DGKB: variants seen among roughly 807,000 people sequenced by gnomAD.
The protein encoded by DGKB is diacylglycerol kinase beta.
Under a neutral mutation model 114.3 loss-of-function variants are expected in DGKB, and 67 were observed. The ratio of observed to expected loss-of-function variants is 0.59; its 90% CI spans 0.48 to 0.72. The LOEUF is 0.72. Ranked by LOEUF, DGKB falls within the 30% of genes least tolerant of loss-of-function variation. DGKB has a pLI of 0.00. For missense variants in DGKB, 907 were observed against 975.2 expected, an observed-to-expected ratio of 0.93 and a Z score of 0.93; for synonymous variants, 398 against 323.1, an observed-to-expected ratio of 1.23 and a Z score of -2.49.
intron 21 of DGKB, among the ~76,000 whole-genome samples, chr7:14,379,021 G>A (rs1818946151): frequency 1.4e-5 from 2 of 145,752 alleles, no homozygotes; most frequent in African/African-American, 4.9e-5. Flanking sequence ...TGGGGAAAAT[G>A]TCATCTGAGG....
chr7:14,866,046 C>T (rs1851663453), intron 1 of DGKB, among the ~76,000 whole-genome samples: 1 of 152,158 alleles, frequency 6.6e-6, no homozygotes, highest in Admixed American at 6.6e-5. Context: ...AGGAAGGTTA[C>T]TTCCAACACA....
At chr7:14,278,063 G>A (rs1405391591) in intron 23 of DGKB, among the ~76,000 whole-genome samples, 1 of 152,120 alleles carries the variant, frequency 6.6e-6, no homozygotes, top group Non-Finnish European at 1.5e-5. Context: ...TCATTTGTAT[G>A]TCTTCTTTTC....
At chr7:14,186,197 G>A (rs369057338) in intron 23 of DGKB, among the ~76,000 whole-genome samples, 1 of 152,080 alleles carries the variant, frequency 6.6e-6, no homozygotes. Context: ...ATCAAAAAGT[G>A]GGCTAAGGAC....
intron 1 of DGKB, among the ~76,000 whole-genome samples, chr7:14,894,156 G>T (rs1164955358): frequency 1.3e-5 from 2 of 151,286 alleles, no homozygotes; most frequent in African/African-American, 2.4e-5. Context: ...TAGAGATGCC[G>T]ATTCTCATGT....
intron 23 of DGKB, among the ~76,000 whole-genome samples, chr7:14,286,441 G>A (rs1800888042): frequency 6.6e-6 from 1 of 152,104 alleles, no homozygotes; most frequent in Non-Finnish European, 1.5e-5. Context: ...CTGCTCTAAA[G>A]GATGTAAGAT....
intron 13 of DGKB, among the ~76,000 whole-genome samples, chr7:14,632,799 T>A (rs533239785): frequency 6.6e-6 from 1 of 151,762 alleles, no homozygotes; most frequent in African/African-American, 2.4e-5. Context: ...GAGGGGGAAC[T>A]GTTAAAGATA....
intron 2 of DGKB, among the ~76,000 whole-genome samples, chr7:14,784,677 T>C (rs570340067): frequency 1.5e-3 from 228 of 152,204 alleles, no homozygotes; most frequent in Non-Finnish European, 2.2e-3. Flanking sequence ...GCACCCAGTT[T>C]ATATGCTATT....
intron 12 of DGKB, among the ~76,000 whole-genome samples, chr7:14,678,180 A>G (rs929317734): frequency 2.0e-5 from 3 of 152,060 alleles, no homozygotes; most frequent in Non-Finnish European, 4.4e-5. Context: ...TACACTCAGT[A>G]CTTTGTCAAG....
intron 1 of DGKB, among the ~76,000 whole-genome samples, chr7:14,853,573 T>A (rs746676381): frequency 6.6e-6 from 1 of 151,966 alleles, no homozygotes; most frequent in African/African-American, 2.4e-5. Context: ...AATTATTCTT[T>A]AAAATTTATC....
intron 1 of DGKB, among the ~76,000 whole-genome samples, chr7:14,856,989 C>T (rs1342429701): frequency 1.3e-5 from 2 of 152,098 alleles, no homozygotes; most frequent in Non-Finnish European, 2.9e-5. Context: ...AAACATGTTC[C>T]TGACCAATAG....
chr7:14,167,795 AAC>A (rs1194731493), intron 25 of DGKB, among the ~76,000 whole-genome samples: 1 of 152,208 alleles, frequency 6.6e-6, no homozygotes, highest in Non-Finnish European at 1.5e-5. Flanking sequence ...ACCTGAACCT[AAC>A]AGAGTCAACT....
chr7:14,300,473 T>A (rs1474816172), intron 23 of DGKB, among the ~76,000 whole-genome samples: 2 of 152,146 alleles, frequency 1.3e-5, no homozygotes, highest in East Asian at 3.9e-4. Flanking sequence ...ACCCAGTGTA[T>A]CACTTACTCT....
chr7:14,689,463 G>A (rs914284235), intron 9 of DGKB, among the ~76,000 whole-genome samples: 1 of 152,022 alleles, frequency 6.6e-6, no homozygotes, highest in Non-Finnish European at 1.5e-5. Context: ...GAGCCACCGC[G>A]CCCGGCCGAA....
At chr7:14,783,272 G>C (rs1698252406) in intron 2 of DGKB, among the ~76,000 whole-genome samples, 1 of 152,048 alleles carries the variant, frequency 6.6e-6, no homozygotes, top group Non-Finnish European at 1.5e-5. Context: ...TTCAAAATAT[G>C]GCTCATTCTT....
intron 2 of DGKB, among the ~76,000 whole-genome samples, chr7:14,830,706 C>T (rs936956064): frequency 6.6e-6 from 1 of 152,084 alleles, no homozygotes; most frequent in Non-Finnish European, 1.5e-5. Flanking sequence ...GACACTATGA[C>T]ACCATGTGGG....
chr7:14,192,508 AT>A (rs528233372), intron 23 of DGKB, among the ~76,000 whole-genome samples: 4 of 152,136 alleles, frequency 2.6e-5, no homozygotes, highest in South Asian at 4.2e-4. Flanking sequence ...AATTGGAAGA[AT>A]TTTTTTTAAA....
intron 20 of DGKB, among the ~76,000 whole-genome samples, chr7:14,544,010 T>G (rs763588045): frequency 1.7e-4 from 26 of 152,210 alleles, no homozygotes; most frequent in Non-Finnish European, 3.2e-4. Context: ...AAATAAATTG[T>G]ATTGCTATTA....
chr7:14,573,848 G>A (rs1365631866), intron 20 of DGKB, among the ~76,000 whole-genome samples: 1 of 151,840 alleles, frequency 6.6e-6, no homozygotes, highest in African/African-American at 2.4e-5. Flanking sequence ...AAAATTTAAC[G>A]CAATATTTTC....
intron 1 of DGKB, among the ~76,000 whole-genome samples, chr7:14,870,582 C>A (rs914370872): frequency 6.6e-6 from 1 of 151,916 alleles, no homozygotes; most frequent in Non-Finnish European, 1.5e-5. Context: ...CAGATCGCGA[C>A]ATCAGGCGTT....
Sources: allele counts gnomAD v4.1 joint callset (sites outside exome capture counted in the v4.1 genomes callset), GRCh38; gene constraint gnomAD v4.1.1; transcripts MANE v1.5; gene names NCBI Gene and HGNC (gene_info 2026-07-23, HGNC 2026-07-21).